MTHFD1L: variants seen among roughly 807,000 people sequenced by gnomAD.
MTHFD1L encodes the protein monofunctional C1-tetrahydrofolate synthase, mitochondrial.
In MTHFD1L, 81 loss-of-function variants were observed where a neutral mutation model predicts 119.5. The ratio of observed to expected loss-of-function variants is 0.68; its 90% CI spans 0.57 to 0.82. The LOEUF (loss-of-function observed/expected upper bound fraction) is 0.82, where lower values mean the gene tolerates loss of function less well. Ranked by LOEUF, MTHFD1L falls within the 40% of genes least tolerant of loss-of-function variation. The probability of loss-of-function intolerance (pLI) is 0.00; values close to 1 mark genes in which losing one functional copy is unlikely to be tolerated. For synonymous variants in MTHFD1L, 430 were observed against 475.2 expected (o/e 0.90, Z 1.24); for missense variants, 1,125 against 1,253.4 (o/e 0.90, Z 1.55).
At chr6:150,890,785 G>A (rs141124709) in intron 7 of MTHFD1L, among the ~76,000 whole-genome samples, 3 of 152,318 alleles carry the variant, frequency 2.0e-5, no homozygotes, top group African/African-American at 7.2e-5. Flanking sequence ...TTGGAAGAGA[G>A]CCAAGCAGGC....
chr6:150,917,047 C>T (rs1372717661), intron 8 of MTHFD1L, among the ~76,000 whole-genome samples: 1 of 151,548 alleles, frequency 6.6e-6, no homozygotes, highest in Admixed American at 6.6e-5. Flanking sequence ...AGGCGTGAGC[C>T]ACCATGCCTG....
chr6:150,892,654 G>T (rs950853020), intron 7 of MTHFD1L, among the ~76,000 whole-genome samples: 1 of 152,008 alleles, frequency 6.6e-6, no homozygotes, highest in Non-Finnish European at 1.5e-5. Context: ...ACCTACCTAC[G>T]TCAGGCTCCT....
intron 26 of MTHFD1L, among the ~76,000 whole-genome samples, chr6:151,066,551 GT>G (rs1361464831): frequency 1.3e-5 from 2 of 151,346 alleles, no homozygotes; most frequent in Non-Finnish European, 2.9e-5. Context: ...GGATCACGAG[GT>G]CAGGAGATTG....
At chr6:150,961,796 G>A (rs1410358092) in intron 18 of MTHFD1L, among the ~76,000 whole-genome samples, 2 of 152,084 alleles carry the variant, frequency 1.3e-5, no homozygotes, top group Non-Finnish European at 2.9e-5. Flanking sequence ...AAACCCTCAG[G>A]TTGCTATAAA....
chr6:150,896,944 A>G (rs1583440373), intron 7 of MTHFD1L, among the ~76,000 whole-genome samples: 1 of 97,140 alleles, frequency 1.0e-5, no homozygotes, highest in African/African-American at 4.0e-5. Flanking sequence ...TGTCTCTACT[A>G]AAAAAAAAAA....
intron 26 of MTHFD1L, among the ~76,000 whole-genome samples, chr6:151,055,421 A>C (rs1789736563): frequency 6.6e-6 from 1 of 152,218 alleles, no homozygotes; most frequent in South Asian, 2.1e-4. Flanking sequence ...AGGAAACCAG[A>C]GCAGGAAGAG....
intron 21 of MTHFD1L, among the ~76,000 whole-genome samples, chr6:151,011,623 G>A (rs1471645856): frequency 1.3e-5 from 2 of 152,144 alleles, no homozygotes; most frequent in Non-Finnish European, 2.9e-5. Flanking sequence ...CTTAACATAT[G>A]TGCTCTGTTA....
intron 1 of MTHFD1L, among the ~76,000 whole-genome samples, chr6:150,871,161 C>T (rs184049236): frequency 2.4e-4 from 34 of 143,576 alleles, no homozygotes; most frequent in Non-Finnish European, 3.8e-4. Context: ...TATATATATA[C>T]ACCTTAATAA....
intron 1 of MTHFD1L, among the ~76,000 whole-genome samples, chr6:150,868,136 C>T (rs1284671459): frequency 1.3e-5 from 2 of 152,038 alleles, no homozygotes; most frequent in African/African-American, 4.8e-5. Flanking sequence ...GCCATGACTG[C>T]CTTAGAGATG....
At chr6:151,077,308 C>T (rs991381383) in intron 26 of MTHFD1L, among the ~76,000 whole-genome samples, 5 of 152,152 alleles carry the variant, frequency 3.3e-5, no homozygotes, top group Admixed American at 1.3e-4. Flanking sequence ...AAAAACAAAA[C>T]ATGCAAATAA....
intron 12 of MTHFD1L, 30 bp from the exon 13 acceptor site, chr6:150,938,669 G>C (rs755065405): frequency 6.2e-7 from 1 of 1,601,974 alleles, no homozygotes; most frequent in South Asian, 1.1e-5. Context: ...TTGGTGACCC[G>C]TTTGAAATGC....
intron 20 of MTHFD1L, 96 bp from the exon 21 acceptor site, chr6:151,009,723 T>G (rs1330368325): frequency 3.0e-6 from 4 of 1,340,352 alleles, no homozygotes; most frequent in Non-Finnish European, 4.2e-6. Context: ...AAAAGGAATG[T>G]AAGCTGTCCT....
chr6:150,924,776 C>T (rs1446506819), intron 10 of MTHFD1L, among the ~76,000 whole-genome samples: 4 of 152,184 alleles, frequency 2.6e-5, no homozygotes, highest in Non-Finnish European at 5.9e-5. Context: ...CTGCAGCCTG[C>T]CAAAAGCTTA....
At chr6:151,071,802 A>G (rs1791969128) in intron 26 of MTHFD1L, among the ~76,000 whole-genome samples, 1 of 151,532 alleles carries the variant, frequency 6.6e-6, no homozygotes, top group Admixed American at 6.6e-5. Flanking sequence ...TTTCTTTTAA[A>G]ACATTCTAAA....
At chr6:150,947,141 A>G (rs1337094638) in intron 15 of MTHFD1L, among the ~76,000 whole-genome samples, 1 of 146,304 alleles carries the variant, frequency 6.8e-6, no homozygotes, top group East Asian at 2.3e-4. Flanking sequence ...TCTGTTGCTC[A>G]GGCTGGAGTG....
chr6:151,053,822 T>G (rs936630984), intron 26 of MTHFD1L, among the ~76,000 whole-genome samples: 20 of 149,748 alleles, frequency 1.3e-4, no homozygotes, highest in Admixed American at 6.0e-4. Flanking sequence ...ATTGTGGCAC[T>G]GTACTCCAGC....
chr6:150,954,989 C>T (rs1316657579), intron 16 of MTHFD1L, among the ~76,000 whole-genome samples: 2 of 152,114 alleles, frequency 1.3e-5, no homozygotes, highest in Non-Finnish European at 1.5e-5. Flanking sequence ...CGCCACCCCC[C>T]ACAATTCTAC....
At chr6:150,960,065 C>T (rs1796210373) in intron 17 of MTHFD1L, among the ~76,000 whole-genome samples, 1 of 152,224 alleles carries the variant, frequency 6.6e-6, no homozygotes, top group Non-Finnish European at 1.5e-5. Flanking sequence ...GCAAAGAGCA[C>T]ATTCCGCCTG....
rs1785855533 is a variant in MTHFD1L, at chr6:151,034,582, A to T, written c.2676A>T (p.Ile892=). The part of the protein sequence containing the change: ...IELSPEAQAK[I]DRYTQQGFGN... ...TCTCTCCTGAGGCACAAGCCAAAAT[A>T]GATCGTTACACTCAACAGGTAAAAG... The change falls in exon 25 of 28, where the codon ATA becomes ATT. Residue 892 remains isoleucine, a synonymous_variant. Coordinates refer to ENST00000367321, the MANE Select transcript of MTHFD1L (RefSeq NM_015440.5). 2 of 1,609,924 alleles carry T rather than the reference A, an allele frequency of 1.2e-6. No homozygotes were observed. Among genetic ancestry groups the T allele is most frequent in the Admixed American group, 1.7e-5 (1 of 59,984 alleles).
Sources: allele counts gnomAD v4.1 joint callset (sites outside exome capture counted in the v4.1 genomes callset), GRCh38; gene constraint gnomAD v4.1.1; transcripts MANE v1.5; gene names NCBI Gene and HGNC (gene_info 2026-07-23, HGNC 2026-07-21).